OPHN1: variants seen among roughly 807,000 people sequenced by gnomAD.
OPHN1 encodes the protein oligophrenin-1.
In OPHN1, 11 loss-of-function variants were observed where a neutral mutation model predicts 60.7. The observed-to-expected ratio is 0.18, with a 90% CI of 0.11 to 0.30. OPHN1 has a LOEUF of 0.30. Ranked by LOEUF, OPHN1 falls within the 10% of genes least tolerant of loss-of-function variation. The pLI is 1.00. For synonymous variants in OPHN1, 226 were observed against 222.6 expected (o/e 1.02, Z -0.14); for missense variants, 449 against 611.0 (o/e 0.73, Z 2.80).
At chrX:68,217,347 G>A (rs2077617616) in intron 6 of OPHN1, among the ~76,000 whole-genome samples, 1 of 111,786 alleles carries the variant, frequency 8.9e-6, no homozygotes, top group South Asian at 3.8e-4. Context: ...CAGCGAGGCT[G>A]GGGGAGGGGC....
At chrX:68,346,581 A>AG (rs2078380194) in intron 2 of OPHN1, among the ~76,000 whole-genome samples, 1 of 112,311 alleles carries the variant, frequency 8.9e-6, no homozygotes, top group South Asian at 3.7e-4. Context: ...AGCTGAAAAA[A>AG]TGACCTTAGA....
intron 6 of OPHN1, among the ~76,000 whole-genome samples, chrX:68,216,835 C>T (rs1322896063): frequency 8.9e-6 from 1 of 111,810 alleles, no homozygotes; most frequent in Non-Finnish European, 1.9e-5. Context: ...CATGAACAGA[C>T]ATTTTTCAAA....
At chrX:68,210,991 C>CA (rs1266831464) in intron 8 of OPHN1, among the ~76,000 whole-genome samples, 8 of 110,414 alleles carry the variant, frequency 7.2e-5, no homozygotes, top group African/African-American at 2.6e-4. Context: ...ATAAGTCACC[C>CA]ATATGTACAC....
At chrX:68,371,903 C>A in intron 2 of OPHN1, among the ~76,000 whole-genome samples, 1 of 111,797 alleles carries the variant, frequency 8.9e-6, no homozygotes, top group Non-Finnish European at 1.9e-5. Flanking sequence ...TGCCACCATA[C>A]CCGGCTAATT....
intron 2 of OPHN1, among the ~76,000 whole-genome samples, chrX:68,405,087 T>A (rs1415988941): frequency 1.8e-5 from 2 of 112,303 alleles, no homozygotes; most frequent in African/African-American, 3.2e-5. Flanking sequence ...ACCACAATTT[T>A]AAAAAAAGAA....
chrX:68,053,653 T>C lies in OPHN1; in HGVS notation c.2316A>G (p.Thr772=), dbSNP rs1403350105. 8.3e-7 allele frequency: 1 copy of C among 1,211,067 alleles called. No individual in the cohort carries two copies. Among genetic ancestry groups the C allele is most frequent in the Non-Finnish European group, 1.1e-6 (1 of 895,194 alleles). ...DIVAGNAGEI[T]SSVVASRTRF... is the part of the protein sequence containing the mutation. The stretch of plus-strand genomic sequence containing the variant: ...GGTACAACCCTACTTACACAGATGA[T>C]GTGATTTCCCCCGCATTGCCAGCCA... The change falls in exon 22 of 25, where the codon ACA becomes ACG. Residue 772 remains threonine (T), a synonymous_variant. Coordinates refer to ENST00000355520, the MANE Select transcript of OPHN1 (RefSeq NM_002547.3).
At chrX:68,074,563 T>C (rs1276505568) in intron 19 of OPHN1, among the ~76,000 whole-genome samples, 1 of 111,650 alleles carries the variant, frequency 9.0e-6, no homozygotes, top group Non-Finnish European at 1.9e-5. Context: ...CTGATCTTCC[T>C]TCAGATATCC....
rs1602215059 is a variant in OPHN1, at chrX:68,178,699, C to T, written c.1276+14220G>A. 3.6e-5 allele frequency among the ~76,000 whole-genome samples: 4 copies of T among 112,163 alleles called. 1 individual carries two copies. On this transcript the variant is annotated intron_variant, in intron 15 of 24. Coordinates refer to ENST00000355520, the MANE Select transcript of OPHN1 (RefSeq NM_002547.3). The stretch of plus-strand genomic sequence containing the variant: ...GATTACAGGTGTGAGCCACTGCGCC[C>T]AGCCCAGGTCTACTTTTGAATTCAC...
chrX:68,193,036 G>A (rs1289447834), intron 14 of OPHN1, 43 bp from the exon 15 acceptor site: 1 of 1,032,840 alleles, frequency 9.7e-7, no homozygotes, highest in African/African-American at 1.9e-5. Flanking sequence ...TGTATAGCTA[G>A]AGTTGTCATC....
At chrX:68,328,011 A>G (rs1322291144) in intron 2 of OPHN1, among the ~76,000 whole-genome samples, 3 of 96,019 alleles carry the variant, frequency 3.1e-5, no homozygotes, top group African/African-American at 8.2e-5. Flanking sequence ...TTGTATTTTT[A>G]GTAGAGACGG....
rs536312432 is a variant in OPHN1, at chrX:68,171,460, G to A, written c.1276+21459C>T. On this transcript the variant is annotated intron_variant, in intron 15 of 24. Coordinates refer to ENST00000355520, the MANE Select transcript of OPHN1 (RefSeq NM_002547.3). ...GTCTACAGTAAGAAGATATGGCTGG[G>A]CCCGGTGGCTAACGCCTGTAATCCC... Among the ~76,000 whole-genome samples, 19 of 111,817 alleles carry A rather than the reference G, an allele frequency of 1.7e-4. No individual in the cohort carries two copies. The South Asian group carries it at 5.9e-3, about 35-fold the overall frequency.
intron 2 of OPHN1, among the ~76,000 whole-genome samples, chrX:68,378,433 T>G (rs781077249): frequency 4.5e-5 from 5 of 111,901 alleles, no homozygotes; most frequent in Middle Eastern, 4.6e-3. Flanking sequence ...CTCTTTAGTT[T>G]AATTAGATCC....
At position 68,273,968 on chromosome X, in the gene OPHN1, C is replaced by T. The variant is rs181534245; in HGVS notation, c.384+770G>A. 1.7e-3 allele frequency among the ~76,000 whole-genome samples: 195 copies of T among 112,049 alleles called. 1 individual carries two copies. Among genetic ancestry groups the T allele is most frequent in the African/African-American group, 5.9e-3 (183 of 30,860 alleles). On this transcript the variant is annotated intron_variant, in intron 5 of 24. Coordinates refer to ENST00000355520, the MANE Select transcript of OPHN1 (RefSeq NM_002547.3). ...GTGAAAGGAAAGCAGGTACATCTTACATGGCCAGAGCAGGAGCAAGAAGTG... is the reference window on the plus strand; with the variant it reads ...GTGAAAGGAAAGCAGGTACATCTTATATGGCCAGAGCAGGAGCAAGAAGTG...
intron 3 of OPHN1, among the ~76,000 whole-genome samples, chrX:68,291,404 T>C (rs966117663): frequency 5.4e-5 from 6 of 111,997 alleles, no homozygotes; most frequent in African/African-American, 1.6e-4. Flanking sequence ...GGCTGGCACT[T>C]AACCAGCAGT....
At chrX:68,132,700 T>TA (rs1396035921) in intron 15 of OPHN1, among the ~76,000 whole-genome samples, 62 of 41,431 alleles carry the variant, frequency 1.5e-3, no homozygotes, top group African/African-American at 5.4e-3. Context: ...AAAGTATAAT[T>TA]AAAAAAAAAT....
intron 2 of OPHN1, among the ~76,000 whole-genome samples, chrX:68,425,674 T>C (rs5965578): frequency 4.3e-5 from 4 of 93,588 alleles, no homozygotes; most frequent in African/African-American, 1.1e-4. Flanking sequence ...GACCTTTTTT[T>C]AAAAAATTAA....
chrX:68,121,028 A>G (rs370218654), intron 15 of OPHN1, among the ~76,000 whole-genome samples: 1 of 112,550 alleles, frequency 8.9e-6, no homozygotes, highest in African/African-American at 3.2e-5. Context: ...ACCAGAAACC[A>G]TAAAACTACT....
chrX:68,347,103 T>C (rs758346828), intron 2 of OPHN1, among the ~76,000 whole-genome samples: 8 of 111,515 alleles, frequency 7.2e-5, no homozygotes, highest in Admixed American at 3.8e-4. Flanking sequence ...CTGCCTAATA[T>C]ATTCTCCAGT....
chrX:68,304,700 A>G (rs1463232964), intron 2 of OPHN1, among the ~76,000 whole-genome samples: 1 of 111,404 alleles, frequency 9.0e-6, no homozygotes, highest in Non-Finnish European at 1.9e-5. Flanking sequence ...TTTTTGGTAT[A>G]TTAAGGTATG....
Sources: allele counts gnomAD v4.1 joint callset (sites outside exome capture counted in the v4.1 genomes callset), GRCh38; gene constraint gnomAD v4.1.1; transcripts MANE v1.5; gene names NCBI Gene and HGNC (gene_info 2026-07-23, HGNC 2026-07-21).